Variants in TLN2 observed in about 807,000 individuals in gnomAD.
TLN2 encodes the protein talin 2.
Under a neutral mutation model 294.7 loss-of-function variants are expected in TLN2, and 118 were observed. The ratio of observed to expected loss-of-function variants is 0.40; its 90% CI spans 0.34 to 0.47. The LOEUF (loss-of-function observed/expected upper bound fraction) is 0.47. TLN2 is among the 20% of genes least tolerant of loss of function. The pLI, the probability that TLN2 is intolerant of heterozygous loss-of-function variation, is 0.84. For synonymous variants in TLN2, 1,431 were observed against 1,304.5 expected (o/e 1.10, Z -2.09); for missense variants, 3,083 against 3,282.2 (o/e 0.94, Z 1.48).
At chr15:62,560,335 G>T (rs538350656) in intron 1 of TLN2, among the ~76,000 whole-genome samples, 1 of 152,110 alleles carries the variant, frequency 6.6e-6, no homozygotes, top group Non-Finnish European at 1.5e-5. Context: ...CCACCTCCCG[G>T]GTTCAAGTGA....
intron 54 of TLN2, chr15:62,831,552 G>A (rs891311919): frequency 6.6e-5 from 10 of 151,892 alleles, no homozygotes; most frequent in African/African-American, 1.9e-4. Context: ...CCTTTTATAC[G>A]AGAGTGTCTT....
intron 51 of TLN2, among the ~76,000 whole-genome samples, chr15:62,807,898 C>T (rs375988666): frequency 1.6e-4 from 25 of 152,332 alleles, no homozygotes; most frequent in African/African-American, 6.0e-4. Context: ...TTCCATTTCC[C>T]TTGATCTCCT....
intron 54 of TLN2, chr15:62,831,100 G>A (rs1355961099): frequency 6.7e-6 from 1 of 150,164 alleles, no homozygotes; most frequent in East Asian, 2.0e-4. Flanking sequence ...AAAATCAGTT[G>A]TGATGAGATG....
At chr15:62,397,139 C>T (rs1324896319) in intron 1 of TLN2, among the ~76,000 whole-genome samples, 1 of 152,238 alleles carries the variant, frequency 6.6e-6, no homozygotes, top group East Asian at 1.9e-4. Flanking sequence ...TGTTCCACCT[C>T]TACCATTTTC....
chr15:62,449,963 T>A (rs1054875595), intron 1 of TLN2, among the ~76,000 whole-genome samples: 3 of 152,216 alleles, frequency 2.0e-5, no homozygotes, highest in South Asian at 4.1e-4. Flanking sequence ...CTGTCCTGGT[T>A]GTAAAAGAAT....
intron 2 of TLN2, among the ~76,000 whole-genome samples, chr15:62,606,180 CA>C (rs1435741626): frequency 2.0e-5 from 3 of 151,958 alleles, no homozygotes; most frequent in African/African-American, 7.3e-5. Flanking sequence ...CTCCCAGGTT[CA>C]AGCAATTTTC....
chr15:62,452,431 A>C (rs1261732683), intron 1 of TLN2, among the ~76,000 whole-genome samples: 1 of 152,250 alleles, frequency 6.6e-6, no homozygotes, highest in East Asian at 1.9e-4. Flanking sequence ...CGACAGTTTA[A>C]AAACACATTA....
intron 39 of TLN2, 186 bp from the exon 40 acceptor site, chr15:62,763,377 T>G: frequency 1.7e-6 from 1 of 579,470 alleles, no homozygotes; most frequent in Non-Finnish European, 2.9e-6. Context: ...TTATCTGAAG[T>G]GTTAAATTAA....
intron 1 of TLN2, among the ~76,000 whole-genome samples, chr15:62,581,810 G>A (rs1172964207): frequency 6.6e-5 from 10 of 152,140 alleles, no homozygotes; most frequent in East Asian, 3.9e-4. Flanking sequence ...TTGGGAGGCC[G>A]AGGCAGGCAG....
intron 1 of TLN2, among the ~76,000 whole-genome samples, chr15:62,428,525 C>T (rs988698239): frequency 6.6e-6 from 1 of 152,184 alleles, no homozygotes; most frequent in African/African-American, 2.4e-5. Context: ...GTGCCTTGAT[C>T]GCCCGGCCTA....
chr15:62,735,026 A>G (rs962718022), intron 28 of TLN2, among the ~76,000 whole-genome samples: 2 of 152,164 alleles, frequency 1.3e-5, no homozygotes, highest in African/African-American at 4.8e-5. Context: ...TGATTTGCGT[A>G]TTTTTCACGT....
intron 1 of TLN2, among the ~76,000 whole-genome samples, chr15:62,538,982 A>C (rs1307759573): frequency 2.0e-5 from 3 of 152,202 alleles, no homozygotes; most frequent in Non-Finnish European, 2.9e-5. Context: ...AAAGTATAGT[A>C]GCTTACTTCT....
Position 62,692,843 on chromosome 15 carries a change from T to C in TLN2, c.1117T>C (p.Phe373Leu), listed in dbSNP as rs1353207015. 6.2e-7 allele frequency: 1 copy of C among 1,612,684 alleles called. No individual in the cohort carries two copies. Among genetic ancestry groups the C allele is most frequent in the Non-Finnish European group, 8.5e-7 (1 of 1,179,530 alleles). ...AASPKSFTLD[F>L]GEYQESYYSV... The stretch of plus-strand genomic sequence containing the variant: ...TCCTCCATTGCTGTCTTTTCAGGAT[T>C]TTGGGGAGTATCAGGAAAGCTACTA... The change falls in exon 13 of 59, where the codon TTT (phenylalanine) becomes CTT (leucine). Residue 373 changes from phenylalanine (F) to leucine (L), a missense_variant. Physicochemically the swap from Phe to Leu is conservative, Grantham distance 22. Transcript: ENST00000636159.
In TLN2 at chr15:62,454,970, T is replaced by A. The variant is rs139592888; in HGVS notation, c.-238+64285T>A. ...CCTCCACACAGCTTATTCCTCACTTTTCCTCCCCCCGGGGGGCTGACAGAA... is the reference window on the plus strand; with the variant it reads ...CCTCCACACAGCTTATTCCTCACTTATCCTCCCCCCGGGGGGCTGACAGAA... On this transcript the variant is annotated intron_variant, in intron 1 of 58. Coordinates refer to ENST00000636159, the MANE Select transcript of TLN2 (RefSeq NM_015059.3). 2.8e-4 allele frequency among the ~76,000 whole-genome samples: 42 copies of A among 152,206 alleles called. 1 individual carries two copies. In the East Asian group the frequency reaches 6.0e-3, roughly 22 times the overall value.
chr15:62,538,578 C>T (rs1258835238), intron 1 of TLN2, among the ~76,000 whole-genome samples: 2 of 152,040 alleles, frequency 1.3e-5, no homozygotes, highest in East Asian at 1.9e-4. Context: ...GGCTCTAGGA[C>T]CCCTTTCAAA....
At chr15:62,471,531 G>A (rs908648433) in intron 1 of TLN2, among the ~76,000 whole-genome samples, 2 of 152,162 alleles carry the variant, frequency 1.3e-5, no homozygotes, top group Admixed American at 1.3e-4. Flanking sequence ...ATCTTTGCAT[G>A]GCCCTTACAG....
At chr15:62,488,082 AAAG>A (rs1208463013) in intron 1 of TLN2, among the ~76,000 whole-genome samples, 1 of 152,158 alleles carries the variant, frequency 6.6e-6, no homozygotes, top group Non-Finnish European at 1.5e-5. Flanking sequence ...CTGTCTCAAA[AAAG>A]AAGAAAAGGG....
Position 62,842,175 on chromosome 15 carries a change from G to A in TLN2, c.*1565G>A, listed in dbSNP as rs1273510415. On this transcript the variant is annotated 3_prime_UTR_variant, in exon 59 of 59. Transcript: ENST00000636159. ...TTCTGACAGCTTCCCATATTTATAA[G>A]TTACTTATAAGTGCTGCACGTATTA... The A allele has an allele frequency of 6.8e-6, 1 of 146,908 alleles. No individual in the cohort carries two copies. Among genetic ancestry groups the A allele is most frequent in the Non-Finnish European group, 1.5e-5 (1 of 67,976 alleles). 9.1% of individuals were successfully genotyped at this position (146,908 alleles called of 1,614,324 possible).
rs199823044 is a variant in TLN2 at position 62,840,488 on chromosome 15, G to A, written c.7507G>A (p.Ala2503Thr). 6.8e-6 allele frequency: 11 copies of A among 1,614,058 alleles called. No homozygotes were observed. Among genetic ancestry groups the A allele is most frequent in the African/African-American group, 1.3e-5 (1 of 75,042 alleles). The change falls in exon 59 of 59, where the codon GCC (alanine) becomes ACC (threonine). Residue 2503 changes from alanine (A) to threonine (T), a missense_variant. Coordinates refer to ENST00000636159, the MANE Select transcript of TLN2 (RefSeq NM_015059.3). Reference sequence around the variant, plus strand: ...CTTGTTGCTTTCTTTCTAGATCATCGCCGCCCAGGAAGAAATGCTAAAGAA... The same window carrying A: ...CTTGTTGCTTTCTTTCTAGATCATCACCGCCCAGGAAGAAATGCTAAAGAA... The part of the protein sequence containing the change: ...KFVGGIAQII[A>T]AQEEMLKKER...
Sources: allele counts gnomAD v4.1 joint callset (sites outside exome capture counted in the v4.1 genomes callset), GRCh38; gene constraint gnomAD v4.1.1; transcripts MANE v1.5; gene names NCBI Gene and HGNC (gene_info 2026-07-23, HGNC 2026-07-21).